LRP1B: variants seen among roughly 807,000 people sequenced by gnomAD.
The protein encoded by LRP1B is low-density lipoprotein receptor-related protein 1B.
A neutral mutation model predicts 556.6 loss-of-function variants in LRP1B; 217 were observed. The observed-to-expected ratio is 0.39, with a 90% CI of 0.35 to 0.44. The LOEUF is 0.44. LRP1B is among the 20% of genes least tolerant of loss of function. The pLI, the probability that LRP1B is intolerant of heterozygous loss-of-function variation, is 1.00. For synonymous variants in LRP1B, 2,047 were observed against 1,865.8 expected (o/e 1.10, Z -2.50); for missense variants, 5,053 against 5,620.8 (o/e 0.90, Z 3.23).
chr2:141,843,562 AAAAAT>A (rs1697547600), intron 1 of LRP1B, among the ~76,000 whole-genome samples: 2 of 152,152 alleles, frequency 1.3e-5, no homozygotes, highest in African/African-American at 4.8e-5. Flanking sequence ...TTGAATGACT[AAAAAT>A]AACCTACAGA....
At chr2:140,885,707 T>C (rs751146338) in intron 24 of LRP1B, among the ~76,000 whole-genome samples, 2 of 151,804 alleles carry the variant, frequency 1.3e-5, no homozygotes, top group Non-Finnish European at 2.9e-5. Flanking sequence ...AAGAGATAAG[T>C]CAAATTATGG....
chr2:142,022,725 C>T (rs948990364), intron 1 of LRP1B, among the ~76,000 whole-genome samples: 1 of 152,072 alleles, frequency 6.6e-6, no homozygotes, highest in African/African-American at 2.4e-5. Flanking sequence ...GGCTGGAGTG[C>T]CGTGGCACCA....
At chr2:140,363,746 C>A (rs1009186594) in intron 72 of LRP1B, among the ~76,000 whole-genome samples, 1 of 151,272 alleles carries the variant, frequency 6.6e-6, no homozygotes, top group Non-Finnish European at 1.5e-5. Flanking sequence ...GTATTTTTCC[C>A]TGCACTTTTG....
At chr2:141,771,782 A>T (rs932976041) in intron 2 of LRP1B, among the ~76,000 whole-genome samples, 1 of 152,064 alleles carries the variant, frequency 6.6e-6, no homozygotes, top group Non-Finnish European at 1.5e-5. Flanking sequence ...GAGACATAAG[A>T]AAGATGATCT....
intron 1 of LRP1B, among the ~76,000 whole-genome samples, chr2:141,823,771 CA>C (rs1224172221): frequency 6.6e-6 from 1 of 152,162 alleles, no homozygotes; most frequent in Non-Finnish European, 1.5e-5. Context: ...CAGGCTCAAG[CA>C]ATCCTTCCGT....
At chr2:140,378,496 T>C (rs1019156076) in intron 67 of LRP1B, among the ~76,000 whole-genome samples, 4 of 152,160 alleles carry the variant, frequency 2.6e-5, no homozygotes, top group Admixed American at 2.6e-4. Flanking sequence ...AAGTACAAAA[T>C]GGCATTACAA....
At chr2:140,476,512 T>G (rs1046703157) in intron 59 of LRP1B, among the ~76,000 whole-genome samples, 3 of 152,018 alleles carry the variant, frequency 2.0e-5, no homozygotes, top group Admixed American at 6.6e-5. Flanking sequence ...TTCAGATATT[T>G]TAACCACATA....
chr2:140,434,983 C>T (rs1043790997), intron 66 of LRP1B, among the ~76,000 whole-genome samples: 2 of 151,984 alleles, frequency 1.3e-5, no homozygotes, highest in Non-Finnish European at 2.9e-5. Context: ...TGAGAAAAAA[C>T]ATTAGAATCT....
chr2:142,120,074 A>G (rs2105010807), intron 1 of LRP1B, among the ~76,000 whole-genome samples: 1 of 151,850 alleles, frequency 6.6e-6, no homozygotes, highest in African/African-American at 2.4e-5. Flanking sequence ...GGTTCTCCTA[A>G]CCTGGCAGAT....
intron 49 of LRP1B, among the ~76,000 whole-genome samples, chr2:140,520,087 C>T (rs1244271736): frequency 6.6e-6 from 1 of 152,088 alleles, no homozygotes; most frequent in Non-Finnish European, 1.5e-5. Flanking sequence ...ATCATTTGAC[C>T]TAGTGATCCT....
chr2:140,339,459 T>G (rs1036721031), intron 77 of LRP1B, among the ~76,000 whole-genome samples: 26 of 151,822 alleles, frequency 1.7e-4, no homozygotes, highest in African/African-American at 5.8e-4. Context: ...TATTTGTGAT[T>G]TTTTTCATCT....
intron 66 of LRP1B, among the ~76,000 whole-genome samples, chr2:140,404,470 C>A (rs1684648374): frequency 6.6e-6 from 1 of 151,654 alleles, no homozygotes. Context: ...CCGTGCCTGG[C>A]CAGTAGAACT....
At position 141,222,194 on chromosome 2, in the gene LRP1B, T is replaced by C. The variant is rs182026052; in HGVS notation, c.850+6989A>G. Reference sequence around the variant, plus strand: ...GAATATTCAAATAGACAATATGAAATGATAAAGGAGATATAACCACTGATC... The same window carrying C: ...GAATATTCAAATAGACAATATGAAACGATAAAGGAGATATAACCACTGATC... On this transcript the variant is annotated intron_variant, in intron 6 of 90. Coordinates refer to ENST00000389484, the MANE Select transcript of LRP1B (RefSeq NM_018557.3). Among the ~76,000 whole-genome samples the C allele has an allele frequency of 1.4e-4, 22 of 152,212 alleles. No individual in the cohort carries two copies. In the East Asian group the frequency reaches 4.2e-3, roughly 29 times the overall value.
Position 140,510,047 on chromosome 2 carries a change from G to T in LRP1B, c.8279C>A (p.Thr2760Asn), listed in dbSNP as rs757756471. The T allele has an allele frequency of 1.2e-6, 2 of 1,613,486 alleles. No homozygotes were observed. The highest frequency in any genetic ancestry group is 1.7e-6 in the Non-Finnish European group (2 of 1,179,916). Reference sequence around the variant, plus strand: ...GCAGCTGAACATGTCAGCAGCACAGGTTATGGCACCTGAAACACAAAAACA... The same window carrying T: ...GCAGCTGAACATGTCAGCAGCACAGTTTATGGCACCTGAAACACAAAAACA... ...DESDSICGAI[T>N]CAADMFSCQG... The change falls in exon 52 of 91, where the codon ACC (threonine) becomes AAC (asparagine). Residue 2760 changes from threonine (T) to asparagine (N), a missense_variant. Physicochemically the swap from Thr to Asn is moderately conservative, Grantham distance 65 (BLOSUM62 0). Around this residue, in one of 5 missense-constraint regions of LRP1B, gnomAD observed 3,619 missense variants for 3,931.9 expected, o/e 0.92. Transcript: ENST00000389484.
At chr2:140,322,705 A>G (rs746802791) in intron 81 of LRP1B, among the ~76,000 whole-genome samples, 2 of 151,980 alleles carry the variant, frequency 1.3e-5, no homozygotes, top group African/African-American at 2.4e-5. Flanking sequence ...TTTTTATCCA[A>G]TCAGCATCCT....
At chr2:141,719,896 T>C (rs1465877046) in intron 2 of LRP1B, among the ~76,000 whole-genome samples, 1 of 152,104 alleles carries the variant, frequency 6.6e-6, no homozygotes, top group Non-Finnish European at 1.5e-5. Context: ...CATTGAGTAA[T>C]ATGCTCACTA....
At chr2:141,554,970 T>C (rs1685908585) in intron 2 of LRP1B, among the ~76,000 whole-genome samples, 1 of 151,988 alleles carries the variant, frequency 6.6e-6, no homozygotes, top group Admixed American at 6.6e-5. Context: ...AGCTTCGTTC[T>C]TGGGAACTGC....
intron 7 of LRP1B, among the ~76,000 whole-genome samples, chr2:141,116,842 T>C (rs1166366131): frequency 1.3e-5 from 2 of 152,078 alleles, no homozygotes; most frequent in African/African-American, 4.8e-5. Context: ...TGACTTTCCA[T>C]AGTCTTACCA....
intron 66 of LRP1B, among the ~76,000 whole-genome samples, chr2:140,390,802 ACAC>A (rs1380245700): frequency 1.4e-5 from 2 of 141,164 alleles, no homozygotes; most frequent in African/African-American, 2.5e-5. Context: ...ACACACACAC[ACAC>A]AACATATTTG....
Sources: gnomAD v4.1 joint callset for allele counts (sites outside exome capture counted in the v4.1 genomes callset) on GRCh38, gnomAD v4.1.1 for gene constraint, gnomAD v4.1.1 regional missense constraint, MANE v1.5 for transcripts, NCBI Gene and HGNC (gene_info 2026-07-23, HGNC 2026-07-21) for gene names.